TMC1: variants seen among roughly 807,000 people sequenced by gnomAD.
The protein encoded by TMC1 is transmembrane channel like 1.
In TMC1, 84 loss-of-function variants were observed where a neutral mutation model predicts 105.8. The observed-to-expected ratio is 0.79, with a 90% CI of 0.67 to 0.95. The LOEUF (loss-of-function observed/expected upper bound fraction) is 0.95. TMC1 is among the 40% of genes least tolerant of loss of function. The pLI is 0.00. For missense variants in TMC1, 817 were observed against 914.1 expected, an observed-to-expected ratio of 0.89 and a Z score of 1.37; for synonymous variants, 315 against 311.5, an observed-to-expected ratio of 1.01 and a Z score of -0.12.
intron 1 of TMC1, among the ~76,000 whole-genome samples, chr9:72,551,483 C>G (rs1392453071): frequency 6.6e-6 from 1 of 152,188 alleles, no homozygotes; most frequent in African/African-American, 2.4e-5. Context: ...AAATCTCCTT[C>G]CCCCTGTTGA....
chr9:72,729,020 C>A (rs551220012), intron 8 of TMC1, among the ~76,000 whole-genome samples: 126 of 152,096 alleles, frequency 8.3e-4, no homozygotes, highest in African/African-American at 2.3e-3. Flanking sequence ...TTTAAGCCAG[C>A]CATGAAAATT....
At chr9:72,735,364 C>A (rs561054429) in intron 8 of TMC1, among the ~76,000 whole-genome samples, 120 of 152,302 alleles carry the variant, frequency 7.9e-4, no homozygotes, top group African/African-American at 2.9e-3. Context: ...GTAGAAAAAT[C>A]TCTTTAATTT....
chr9:72,540,499 G>A (rs1823656645), intron 1 of TMC1, among the ~76,000 whole-genome samples: 1 of 106,620 alleles, frequency 9.4e-6, no homozygotes, highest in Non-Finnish European at 1.9e-5. Flanking sequence ...TCCTCGTTCT[G>A]ACTTTTTTTT....
At chr9:72,703,143 C>T (rs1000901768) in intron 8 of TMC1, among the ~76,000 whole-genome samples, 8 of 150,016 alleles carry the variant, frequency 5.3e-5, no homozygotes, top group African/African-American at 2.0e-4. Flanking sequence ...TTTTTTTTCT[C>T]GAGACAGGGT....
chr9:72,784,641 T>G (rs1372032317), intron 13 of TMC1, among the ~76,000 whole-genome samples: 2 of 152,194 alleles, frequency 1.3e-5, no homozygotes, highest in African/African-American at 4.8e-5. Flanking sequence ...CATGTACTCA[T>G]ATGTTCACCA....
At chr9:72,808,944 G>A (rs1828647362) in intron 18 of TMC1, 1 of 152,262 alleles carries the variant, frequency 6.6e-6, no homozygotes, top group Non-Finnish European at 1.5e-5. Context: ...CTCATTGAAA[G>A]TGCCTCCTCG....
chr9:72,837,935 CAG>C lies in TMC1; in HGVS notation c.*1965_*1966del, dbSNP rs765991665. 2 of 152,142 alleles carry C rather than the reference CAG, an allele frequency of 1.3e-5. No homozygotes were observed. Among genetic ancestry groups the C allele is most frequent in the Non-Finnish European group, 2.9e-5 (2 of 68,026 alleles). The allele number at this position is 152,142 out of a possible 1,614,324, so 9.4% of individuals were successfully genotyped here. On this transcript the variant is annotated 3_prime_UTR_variant, in exon 24 of 24. Coordinates refer to ENST00000297784, the MANE Select transcript of TMC1 (RefSeq NM_138691.3). ...TCCTTGGGCTCTTATGTCTGTAATT[CAG>C]AGTCTATTATTTATATTGATTTTCA...
At chr9:72,747,194 T>C (rs1203796487) in intron 10 of TMC1, among the ~76,000 whole-genome samples, 4 of 152,206 alleles carry the variant, frequency 2.6e-5, no homozygotes, top group African/African-American at 9.6e-5. Context: ...TTAAACCTTA[T>C]GTTTCCTTGC....
intron 1 of TMC1, among the ~76,000 whole-genome samples, chr9:72,537,313 C>T (rs1272078996): frequency 6.6e-6 from 1 of 152,154 alleles, no homozygotes; most frequent in South Asian, 2.1e-4. Context: ...GAACCTAGCT[C>T]CCACTTAGTC....
intron 8 of TMC1, among the ~76,000 whole-genome samples, chr9:72,705,057 A>G (rs969765634): frequency 6.6e-6 from 1 of 152,168 alleles, no homozygotes; most frequent in Non-Finnish European, 1.5e-5. Flanking sequence ...TGAGAATACT[A>G]AGTATAATCT....
At chr9:72,618,973 C>T (rs1825192930) in intron 3 of TMC1, among the ~76,000 whole-genome samples, 1 of 152,130 alleles carries the variant, frequency 6.6e-6, no homozygotes, top group Admixed American at 6.6e-5. Context: ...CGACAATAAA[C>T]AGCCCTAGTG....
At chr9:72,558,557 T>C (rs538453103) in intron 1 of TMC1, among the ~76,000 whole-genome samples, 2 of 152,052 alleles carry the variant, frequency 1.3e-5, no homozygotes, top group African/African-American at 4.8e-5. Flanking sequence ...TGCAGCATAA[T>C]AGAATTTCAG....
intron 20 of TMC1, among the ~76,000 whole-genome samples, chr9:72,823,654 A>C (rs1355824824): frequency 6.6e-6 from 1 of 152,236 alleles, no homozygotes; most frequent in Non-Finnish European, 1.5e-5. Context: ...AATAGTTGAC[A>C]ATTTAAAGAT....
At chr9:72,645,370 A>G (rs1304901886) in intron 4 of TMC1, among the ~76,000 whole-genome samples, 1 of 152,170 alleles carries the variant, frequency 6.6e-6, no homozygotes, top group Non-Finnish European at 1.5e-5. Flanking sequence ...AGATTTCTTA[A>G]AAGAACATTA....
In TMC1 at chr9:72,742,444, A is replaced by G; in HGVS notation, c.454A>G (p.Lys152Glu). Residue 152 changes from lysine (K) to glutamate (E), a missense_variant and splice_region_variant, in exon 10 of 24, where the codon AAA becomes GAA. By Grantham distance (56) the Lys-to-Glu change is moderately conservative. Coordinates refer to ENST00000297784, the MANE Select transcript of TMC1 (RefSeq NM_138691.3). ...WFAFKMMMAK[K>E]WAKFLRDFEN... ...CTTTTGTATTTGACTTTCTTTTCAGAAATGGGCAAAATTCCTCCGTGATTT... is the reference window on the plus strand; with the variant it reads ...CTTTTGTATTTGACTTTCTTTTCAGGAATGGGCAAAATTCCTCCGTGATTT... The G allele has an allele frequency of 6.2e-7, 1 of 1,613,958 alleles. No homozygotes were observed. Among genetic ancestry groups the G allele is most frequent in the Non-Finnish European group, 8.5e-7 (1 of 1,179,882 alleles).
chr9:72,793,705 C>T (rs1828316003), intron 17 of TMC1, among the ~76,000 whole-genome samples: 1 of 152,160 alleles, frequency 6.6e-6, no homozygotes, highest in South Asian at 2.1e-4. Flanking sequence ...TTGCTACCTC[C>T]AGATAATAAA....
intron 12 of TMC1, among the ~76,000 whole-genome samples, chr9:72,765,663 A>G (rs1564539884): frequency 6.6e-6 from 1 of 152,098 alleles, no homozygotes. Context: ...AAAATTCAAA[A>G]AAGAGCCTGA....
At chr9:72,575,010 G>C (rs898622283) in intron 1 of TMC1, among the ~76,000 whole-genome samples, 4 of 152,106 alleles carry the variant, frequency 2.6e-5, no homozygotes, top group African/African-American at 9.7e-5. Context: ...GTGGCCAACT[G>C]TCGTGAGGCC....
Position 72,788,361 on chromosome 9 carries a change from G to T in TMC1, c.907G>T (p.Asp303Tyr), listed in dbSNP as rs766828978. The part of the protein sequence containing the change: ...LKAMTKNIGD[D>Y]GGGDDNTFNF... Reference sequence around the variant, plus strand: ...CAGAATGACCAAAAACATTGGTGATGATGGAGGTGGAGATGACAACACTTT... The same window carrying T: ...CAGAATGACCAAAAACATTGGTGATTATGGAGGTGGAGATGACAACACTTT... Residue 303 changes from aspartate to tyrosine, a missense_variant, in exon 14 of 24, where the codon GAT becomes TAT. Physicochemically the swap from Asp to Tyr is radical, Grantham distance 160 (BLOSUM62 -3). Coordinates refer to ENST00000297784, the MANE Select transcript of TMC1 (RefSeq NM_138691.3). The T allele has an allele frequency of 2.5e-6, 4 of 1,614,060 alleles. No homozygotes were observed. The South Asian group carries it at 4.4e-5, about 18-fold the overall frequency.
Sources: gnomAD v4.1 joint callset for allele counts (sites outside exome capture counted in the v4.1 genomes callset) on GRCh38, gnomAD v4.1.1 for gene constraint, MANE v1.5 for transcripts, NCBI Gene and HGNC (gene_info 2026-07-23, HGNC 2026-07-21) for gene names.